RYR2: variants seen among roughly 807,000 people sequenced by gnomAD.
RYR2 encodes ryanodine receptor 2, also known as cardiac muscle ryanodine receptor-calcium release channel.
A neutral mutation model predicts 601.1 loss-of-function variants in RYR2; 227 were observed. The observed-to-expected ratio is 0.38, with a 90% CI of 0.34 to 0.42. The LOEUF (loss-of-function observed/expected upper bound fraction) is 0.42. Ranked by LOEUF, RYR2 falls within the 10% of genes least tolerant of loss-of-function variation. The pLI is 1.00. For missense variants in RYR2, 4,646 were observed against 6,156.5 expected (o/e 0.75, Z 8.21); for synonymous variants, 2,223 against 2,175.1 (o/e 1.02, Z -0.61).
intron 2 of RYR2, among the ~76,000 whole-genome samples, chr1:237,325,005 C>T (rs1205130092): frequency 6.6e-6 from 1 of 152,178 alleles, no homozygotes; most frequent in Non-Finnish European, 1.5e-5. Context: ...GTTTGATTTT[C>T]CAGAAATAGA....
intron 84 of RYR2, among the ~76,000 whole-genome samples, chr1:237,761,855 A>G (rs1693459041): frequency 6.6e-6 from 1 of 152,094 alleles, no homozygotes; most frequent in Non-Finnish European, 1.5e-5. Flanking sequence ...CTTGTCAATT[A>G]TTAGTTTTGG....
chr1:237,625,331 A>G (rs1679534118), intron 39 of RYR2, among the ~76,000 whole-genome samples: 1 of 152,174 alleles, frequency 6.6e-6, no homozygotes, highest in Non-Finnish European at 1.5e-5. Flanking sequence ...GGCAGACAGT[A>G]TCTGAAGTCC....
chr1:237,158,669 G>A (rs1361115), intron 1 of RYR2, among the ~76,000 whole-genome samples: 96,800 of 152,020 alleles, frequency 0.64, 30,919 homozygotes, highest in Non-Finnish European at 0.66. Context: ...TTTGATGAAC[G>A]GTTAAACTAA....
chr1:237,239,497 C>T (rs1685927976), intron 1 of RYR2, among the ~76,000 whole-genome samples: 1 of 152,136 alleles, frequency 6.6e-6, no homozygotes, highest in African/African-American at 2.4e-5. Flanking sequence ...CTGGCCGCCT[C>T]ACCCTAATCT....
intron 99 of RYR2, among the ~76,000 whole-genome samples, chr1:237,807,864 G>A (rs1660815206): frequency 6.6e-6 from 1 of 152,146 alleles, no homozygotes. Flanking sequence ...GCTGTAATCA[G>A]AAAAAGTACA....
intron 92 of RYR2, among the ~76,000 whole-genome samples, chr1:237,791,013 C>T (rs1004874439): frequency 6.6e-6 from 1 of 152,112 alleles, no homozygotes; most frequent in Non-Finnish European, 1.5e-5. Flanking sequence ...CTTGTTGCTC[C>T]TCTCTTTGAC....
intron 2 of RYR2, among the ~76,000 whole-genome samples, chr1:237,292,588 G>C (rs1053937354): frequency 6.6e-6 from 1 of 152,138 alleles, no homozygotes; most frequent in Non-Finnish European, 1.5e-5. Flanking sequence ...GGAAAATTAT[G>C]CTGGATTTGC....
intron 14 of RYR2, among the ~76,000 whole-genome samples, chr1:237,448,833 C>T (rs1021880605): frequency 6.6e-6 from 1 of 151,692 alleles, no homozygotes; most frequent in Non-Finnish European, 1.5e-5. Context: ...GTATTAGCAT[C>T]CTATGACCTT....
chr1:237,757,000 T>A (rs184824416), intron 81 of RYR2, among the ~76,000 whole-genome samples: 1 of 152,372 alleles, frequency 6.6e-6, no homozygotes, highest in East Asian at 1.9e-4. Flanking sequence ...TGTTTCAAGA[T>A]GATTTTTTGT....
At chr1:237,057,618 C>A (rs1662335647) in intron 1 of RYR2, among the ~76,000 whole-genome samples, 1 of 152,104 alleles carries the variant, frequency 6.6e-6, no homozygotes, top group African/African-American at 2.4e-5. Context: ...TCTTTTCACC[C>A]CATGTGCTGA....
chr1:237,725,329 G>A (rs1488857356), intron 74 of RYR2, among the ~76,000 whole-genome samples: 2 of 152,102 alleles, frequency 1.3e-5, no homozygotes, highest in South Asian at 2.1e-4. Flanking sequence ...AGATATCCTC[G>A]TGTTTAATTT....
intron 65 of RYR2, 44 bp from the exon 66 acceptor site, chr1:237,701,934 A>T: frequency 9.1e-7 from 1 of 1,104,500 alleles, no homozygotes; most frequent in Non-Finnish European, 1.4e-6. Context: ...ACAATGTATA[A>T]ATAAGTGGGT....
intron 24 of RYR2, among the ~76,000 whole-genome samples, chr1:237,517,992 C>T (rs1666726233): frequency 6.6e-6 from 1 of 152,060 alleles, no homozygotes; most frequent in South Asian, 2.1e-4. Context: ...TGTTAAGTGC[C>T]CCTCAGAACA....
intron 1 of RYR2, among the ~76,000 whole-genome samples, chr1:237,154,528 T>C (rs1159762749): frequency 6.6e-6 from 1 of 152,140 alleles, no homozygotes; most frequent in Non-Finnish European, 1.5e-5. Flanking sequence ...ACAATGTAGA[T>C]TTTCAGGCAG....
intron 8 of RYR2, among the ~76,000 whole-genome samples, chr1:237,386,730 C>T (rs769816858): frequency 2.0e-5 from 3 of 152,074 alleles, no homozygotes; most frequent in African/African-American, 4.8e-5. Context: ...ATCTGAATTT[C>T]GGAAGAAATG....
chr1:237,500,995 C>G, intron 21 of RYR2, 92 bp downstream of exon 21: 1 of 1,241,734 alleles, frequency 8.1e-7, no homozygotes, highest in African/African-American at 1.5e-5. Flanking sequence ...TCTTCTCTAA[C>G]CATTGTTTGT....
chr1:237,679,900 G>A (rs1306661675), intron 61 of RYR2, among the ~76,000 whole-genome samples: 3 of 152,182 alleles, frequency 2.0e-5, no homozygotes, highest in Non-Finnish European at 4.4e-5. Context: ...GAGTGAGGAG[G>A]AGGAATTGGC....
chr1:237,591,798 A>T lies in RYR2; in HGVS notation c.4220A>T (p.Glu1407Val). The T allele has an allele frequency of 6.2e-7, 1 of 1,613,778 alleles. No homozygotes were observed. The highest frequency in any genetic ancestry group is 8.5e-7 in the Non-Finnish European group (1 of 1,179,814). The change falls in exon 32 of 105, where the codon GAA (glutamate) becomes GTA (valine). Residue 1407 changes from glutamate (E) to valine (V), a missense_variant. Transcript: ENST00000366574. ...ACAAGCCATTCTGCAAGACTCACCGAAGATGTCCTTGCTGATGATCGGGAT... is the reference window on the plus strand; with the variant it reads ...ACAAGCCATTCTGCAAGACTCACCGTAGATGTCCTTGCTGATGATCGGGAT... ...YSTSHSARLT[E>V]DVLADDRDDY...
intron 35 of RYR2, among the ~76,000 whole-genome samples, chr1:237,603,715 A>G (rs1676776416): frequency 6.6e-6 from 1 of 152,198 alleles, no homozygotes; most frequent in South Asian, 2.1e-4. Flanking sequence ...TGCTCAAAAT[A>G]AAGGGATGGA....
Sources: gnomAD v4.1 joint callset for allele counts (sites outside exome capture counted in the v4.1 genomes callset) on GRCh38, gnomAD v4.1.1 for gene constraint, MANE v1.5 for transcripts, NCBI Gene and HGNC (gene_info 2026-07-23, HGNC 2026-07-21) for gene names.